The following PPP1R15B variants were observed in gnomAD, a reference collection of about 807,000 sequenced individuals.
PPP1R15B encodes the protein protein phosphatase 1, regulatory (inhibitor) subunit 15B.
Under a neutral mutation model 53.9 loss-of-function variants are expected in PPP1R15B, and 31 were observed. The observed-to-expected ratio is 0.58, with a 90% CI of 0.43 to 0.78. The LOEUF (loss-of-function observed/expected upper bound fraction) is 0.78, where lower values mean the gene tolerates loss of function less well. Ranked by LOEUF, PPP1R15B falls within the 30% of genes least tolerant of loss-of-function variation. The pLI, the probability that PPP1R15B is intolerant of heterozygous loss-of-function variation, is 0.00. For missense variants in PPP1R15B, 928 were observed against 849.6 expected, an observed-to-expected ratio of 1.09 and a Z score of -1.15; for synonymous variants, 345 against 329.1, an observed-to-expected ratio of 1.05 and a Z score of -0.52.
At position 204,409,965 on chromosome 1, in the gene PPP1R15B, T is replaced by G. The variant is rs768781480; in HGVS notation, c.1447A>C (p.Ser483Arg). ...EGLHLWNSFC[S>R]VDPYNPQNFT... The stretch of plus-strand genomic sequence containing the variant: ...TTCTGGGGATTATAAGGATCTACAC[T>G]GCAGAAAGAGTTCCAAAGGTGAAGC... Residue 483 changes from serine to arginine, a missense_variant, in exon 1 of 2, where the codon AGT becomes CGT. By Grantham distance (110) the Ser-to-Arg change is moderately radical. Coordinates refer to ENST00000367188, the MANE Select transcript of PPP1R15B (RefSeq NM_032833.5). The G allele has an allele frequency of 6.2e-7, 1 of 1,614,196 alleles. No individual in the cohort carries two copies. Among genetic ancestry groups the G allele is most frequent in the South Asian group, 1.1e-5 (1 of 91,086 alleles).
At position 204,405,046 on chromosome 1, in the gene PPP1R15B, G is replaced by A. The variant is rs1264710764; in HGVS notation, c.*1046C>T. ...GAAGTTTATATTTTACATTTCAAAC[G>A]TGAAAATTCAGAACTGCCCATTTCC... On this transcript the variant is annotated 3_prime_UTR_variant, in exon 2 of 2. Transcript: ENST00000367188. 2.0e-6 allele frequency: 2 copies of A among 985,486 alleles called. No individual in the cohort carries two copies. The highest frequency in any genetic ancestry group is 1.7e-5 in the African/African-American group (1 of 57,186). The allele number at this position is 985,486 out of a possible 1,614,324, so 61.0% of individuals were successfully genotyped here. A position where few individuals can be genotyped will look rare whatever the true frequency, so the allele number is the denominator to read the frequency against.
Position 204,405,842 on chromosome 1 carries a change from A to G in PPP1R15B, c.*250T>C, listed in dbSNP as rs1221911969. The stretch of plus-strand genomic sequence containing the variant: ...CACCTCATGCAGGCAAAGGACATTT[A>G]AAAGCACATCCAACTAAATCAAAAA... On this transcript the variant is annotated 3_prime_UTR_variant, in exon 2 of 2. Transcript: ENST00000367188. 1.5e-5 allele frequency: 18 copies of G among 1,229,868 alleles called. No individual in the cohort carries two copies. The highest frequency in any genetic ancestry group is 1.7e-5 in the Non-Finnish European group (17 of 979,694). The allele number at this position is 1,229,868 out of a possible 1,614,324, so 76.2% of individuals were successfully genotyped here. A position where few individuals can be genotyped will look rare whatever the true frequency, so the allele number is the denominator to read the frequency against.
At chr1:204,403,269 G>A (rs1238936997), downstream of PPP1R15B, 2 of 322,342 alleles carry the variant, frequency 6.2e-6, no homozygotes, top group Non-Finnish European at 8.9e-6. Context: ...CAAGAACCAA[G>A]TTCTTCTATT....
chr1:204,407,296 T>C (rs1345117919), intron 1 of PPP1R15B, among the ~76,000 whole-genome samples: 1 of 152,226 alleles, frequency 6.6e-6, no homozygotes, highest in Non-Finnish European at 1.5e-5. Flanking sequence ...GCTGTGTTAC[T>C]CTAAGAAACT....
downstream of PPP1R15B, among the ~76,000 whole-genome samples, chr1:204,400,401 A>G (rs1674156352): frequency 6.6e-6 from 1 of 151,692 alleles, no homozygotes; most frequent in Non-Finnish European, 1.5e-5. Context: ...GCTGCAGTGC[A>G]GTGATTCAAT....
chr1:204,402,302 G>T (rs1460350485), downstream of PPP1R15B, among the ~76,000 whole-genome samples: 2 of 151,834 alleles, frequency 1.3e-5, no homozygotes, highest in Non-Finnish European at 2.9e-5. Context: ...CCATTAATAG[G>T]GTTGCCATAA....
rs747529735 is a variant in PPP1R15B at position 204,409,981 on chromosome 1, A to G, written c.1431T>C (p.Leu477=). ...DLEQDPEGLH[L]WNSFCSVDPY... is the part of the protein sequence containing the mutation. ...GATCTACACTGCAGAAAGAGTTCCA[A>G]AGGTGAAGCCCTTCAGGGTCTTGTT... Residue 477 remains leucine (L), a synonymous_variant, in exon 1 of 2, where the codon CTT becomes CTC. Coordinates refer to ENST00000367188, the MANE Select transcript of PPP1R15B (RefSeq NM_032833.5). 2 of 1,614,180 alleles carry G rather than the reference A, an allele frequency of 1.2e-6. No homozygotes were observed. Among genetic ancestry groups the G allele is most frequent in the South Asian group, 2.2e-5 (2 of 91,090 alleles).
At chr1:204,408,743 T>C (rs1051367882) in intron 1 of PPP1R15B, among the ~76,000 whole-genome samples, 4 of 152,174 alleles carry the variant, frequency 2.6e-5, no homozygotes, top group African/African-American at 9.7e-5. Flanking sequence ...AAGCGTAAAA[T>C]GCTGCATGAA....
Position 204,411,058 on chromosome 1 carries a change from G to C in PPP1R15B, c.354C>G (p.Pro118=). 1 of 1,614,200 alleles carries C rather than the reference G, an allele frequency of 6.2e-7. No homozygotes were observed. Among genetic ancestry groups the C allele is most frequent in the Non-Finnish European group, 8.5e-7 (1 of 1,180,028 alleles). The part of the protein sequence containing the change: ...ALKGREKPAA[P]TAQKSLSSLQ... ...GCGAACTCAAAGATTTCTGCGCTGT[G>C]GGGGCGGCTGGTTTCTCCCGTCCCT... Residue 118 remains proline (P), a synonymous_variant, in exon 1 of 2, where the codon CCC becomes CCG. Transcript: ENST00000367188.
Position 204,410,486 on chromosome 1 carries a change from T to C in PPP1R15B, c.926A>G (p.Lys309Arg). Residue 309 changes from lysine (K) to arginine (R), a missense_variant, in exon 1 of 2, where the codon AAG becomes AGG. Transcript: ENST00000367188. ...KRLEFLQQAS[K>R]GQDLPTPDQD... ...GTCAGGGGTGGGTAAATCTTGCCCC[T>C]TGCTAGCCTGTTGAAGGAATTCCAG... 6.2e-7 allele frequency: 1 copy of C among 1,614,184 alleles called. No homozygotes were observed. Among genetic ancestry groups the C allele is most frequent in the South Asian group, 1.1e-5 (1 of 91,084 alleles).
chr1:204,404,506 A>G lies in PPP1R15B; in HGVS notation c.*1586T>C, dbSNP rs1206075413. 3.0e-6 allele frequency: 3 copies of G among 985,028 alleles called. No individual in the cohort carries two copies. The highest frequency in any genetic ancestry group is 2.4e-6 in the Non-Finnish European group (2 of 829,362). 61.0% of individuals were successfully genotyped at this position (985,028 alleles called of 1,614,324 possible). ...TCTCAAAAAAAAAAGAAAAAAACAA[A>G]AAACACACAGAATAAGGGCTCTGCA... is the stretch of plus-strand genomic sequence containing the variant. On this transcript the variant is annotated 3_prime_UTR_variant, in exon 2 of 2. Transcript: ENST00000367188.
At chr1:204,397,431 C>A (rs1479910858), downstream of PPP1R15B, among the ~76,000 whole-genome samples, 6 of 151,870 alleles carry the variant, frequency 4.0e-5, no homozygotes, top group Admixed American at 3.9e-4. Context: ...GAGGCTGAGA[C>A]ATGAGAATTG....
At chr1:204,406,670 TG>T (rs1674269750) in intron 1 of PPP1R15B, among the ~76,000 whole-genome samples, 1 of 151,946 alleles carries the variant, frequency 6.6e-6, no homozygotes, top group Non-Finnish European at 1.5e-5. Flanking sequence ...GAGAACAGTT[TG>T]AACCTGGGAG....
intron 1 of PPP1R15B, among the ~76,000 whole-genome samples, chr1:204,407,205 G>C (rs1674281162): frequency 6.6e-6 from 1 of 151,508 alleles, no homozygotes; most frequent in Admixed American, 6.6e-5. Flanking sequence ...TACTATTTTT[G>C]TATCATTACT....
rs375143768 is a variant in PPP1R15B, at chr1:204,411,407, T to G, written c.5A>C (p.Glu2Ala). The G allele has an allele frequency of 6.2e-7, 1 of 1,611,134 alleles. No homozygotes were observed. Among genetic ancestry groups the G allele is most frequent in the African/African-American group, 1.3e-5 (1 of 74,788 alleles). M[E>A]PGTGGSRKRL... is the part of the protein sequence containing the mutation. ...TTTCCGCGATCCGCCTGTCCCCGGC[T>G]CCATCTCCTTTTTCTTGACAGTCTC... The change falls in exon 1 of 2, where the codon GAG (glutamate) becomes GCG (alanine). Residue 2 changes from glutamate (E) to alanine (A), a missense_variant. Physicochemically the swap from Glu to Ala is moderately radical, Grantham distance 107. Coordinates refer to ENST00000367188, the MANE Select transcript of PPP1R15B (RefSeq NM_032833.5).
chr1:204,402,612 G>C (rs909373515), downstream of PPP1R15B, among the ~76,000 whole-genome samples: 1 of 151,608 alleles, frequency 6.6e-6, no homozygotes, highest in African/African-American at 2.4e-5. Context: ...GTAGAGGAAA[G>C]TGTCTCACTA....
At position 204,410,425 on chromosome 1, in the gene PPP1R15B, G is replaced by A. The variant is rs767849759; in HGVS notation, c.987C>T (p.His329=). The A allele has an allele frequency of 6.4e-5, 104 of 1,614,240 alleles. No homozygotes were observed. The South Asian group carries it at 7.2e-4, about 11-fold the overall frequency. The change falls in exon 1 of 2, where the codon CAC becomes CAT. Residue 329 remains histidine (H), a synonymous_variant. Coordinates refer to ENST00000367188, the MANE Select transcript of PPP1R15B (RefSeq NM_032833.5). ...GTTTTGGATCCATCCGGAGAAGGCT[G>A]TGTTCCTCCTCCAGGCTGTGGTAGC... ...DNGYHSLEEE[H]SLLRMDPKHC... is the part of the protein sequence containing the mutation.
rs115521069 is a variant in PPP1R15B, at chr1:204,405,683, A to C, written c.*409T>G. On this transcript the variant is annotated 3_prime_UTR_variant, in exon 2 of 2. Coordinates refer to ENST00000367188, the MANE Select transcript of PPP1R15B (RefSeq NM_032833.5). The stretch of plus-strand genomic sequence containing the variant: ...CTGAATTTTGGGAAAGAAACAAGAA[A>C]GAGCCCAAAGTTTTCAGATAGGCAC... 1.9e-3 allele frequency: 1,868 copies of C among 985,386 alleles called. 22 individuals are homozygous for C. The African/African-American group carries it at 0.028, about 15-fold the overall frequency. The allele number at this position is 985,386 out of a possible 1,614,324, so 61.0% of individuals were successfully genotyped here. A position where few individuals can be genotyped will look rare whatever the true frequency, so the allele number is the denominator to read the frequency against.
intron 1 of PPP1R15B, 106 bp from the exon 2 acceptor site, chr1:204,406,419 G>T: frequency 1.5e-6 from 2 of 1,341,344 alleles, no homozygotes; most frequent in Non-Finnish European, 2.0e-6. Context: ...TCCCAACTAA[G>T]AATAACATAT....
Sources: allele counts gnomAD v4.1 joint callset (sites outside exome capture counted in the v4.1 genomes callset), GRCh38; gene constraint gnomAD v4.1.1; transcripts MANE v1.5; gene names NCBI Gene and HGNC (gene_info 2026-07-23, HGNC 2026-07-21).